KIAA0825: variants seen among roughly 807,000 people sequenced by gnomAD.
The protein encoded by KIAA0825 is KIAA0825, also known as uncharacterized protein KIAA0825.
In KIAA0825, 119 loss-of-function variants were observed where a neutral mutation model predicts 147.6. That is an observed-to-expected ratio of 0.81 (90% CI 0.69 to 0.94). KIAA0825 has a LOEUF of 0.94. KIAA0825 is among the 40% of genes least tolerant of loss of function. The probability of loss-of-function intolerance (pLI) is 0.00; values close to 1 mark genes in which losing one functional copy is unlikely to be tolerated. For synonymous variants in KIAA0825, 470 were observed against 518.1 expected (o/e 0.91, Z 1.26); for missense variants, 1,381 against 1,472.7 (o/e 0.94, Z 1.02).
At chr5:94,545,333 C>T (rs528103555) in intron 2 of KIAA0825, among the ~76,000 whole-genome samples, 1 of 152,116 alleles carries the variant, frequency 6.6e-6, no homozygotes, top group Non-Finnish European at 1.5e-5. Flanking sequence ...GGGCTTAGAA[C>T]CAGTGGATTA....
At chr5:94,159,992 AG>A (rs1767401279) in intron 20 of KIAA0825, among the ~76,000 whole-genome samples, 1 of 152,218 alleles carries the variant, frequency 6.6e-6, no homozygotes, top group African/African-American at 2.4e-5. Context: ...TATATAGCTG[AG>A]GAGTGAAGAG....
chr5:94,594,454 T>A, intron 1 of KIAA0825: 1 of 739,650 alleles, frequency 1.4e-6, no homozygotes, highest in Non-Finnish European at 2.5e-6. Context: ...TTTGAGTGTA[T>A]CTTGGAAGAA....
chr5:94,411,764 T>C (rs1018804046), intron 15 of KIAA0825, among the ~76,000 whole-genome samples: 1 of 151,734 alleles, frequency 6.6e-6, no homozygotes, highest in African/African-American at 2.4e-5. Flanking sequence ...CTGGCCAACA[T>C]AGTGAGACCC....
At chr5:94,164,790 A>T (rs1767888070) in intron 20 of KIAA0825, among the ~76,000 whole-genome samples, 1 of 152,146 alleles carries the variant, frequency 6.6e-6, no homozygotes, top group Non-Finnish European at 1.5e-5. Flanking sequence ...TGGTGCTGGG[A>T]AAACTGGATA....
At chr5:94,157,181 G>T (rs1297000562) in intron 20 of KIAA0825, among the ~76,000 whole-genome samples, 2 of 152,120 alleles carry the variant, frequency 1.3e-5, no homozygotes, top group Non-Finnish European at 2.9e-5. Context: ...GCATTATGAG[G>T]TAATTATATT....
intron 20 of KIAA0825, among the ~76,000 whole-genome samples, chr5:94,351,510 C>T (rs543693554): frequency 6.6e-6 from 1 of 152,300 alleles, no homozygotes; most frequent in African/African-American, 2.4e-5. Flanking sequence ...AGTGACTATA[C>T]TGCCAAAAGA....
At position 94,338,420 on chromosome 5, in the gene KIAA0825, T is replaced by C. The variant is rs552310300; in HGVS notation, c.3710+45948A>G. ...CCAGGCTCTGATTTCTCCTTTTCAT[T>C]TACTTTATGTGTGTATGTGTGGGTG... On this transcript the variant is annotated intron_variant, in intron 20 of 20. Coordinates refer to ENST00000682413, the MANE Select transcript of KIAA0825 (RefSeq NM_001145678.3). Among the ~76,000 whole-genome samples the C allele has an allele frequency of 5.9e-5, 9 of 152,260 alleles. No individual in the cohort carries two copies. The South Asian group carries it at 1.7e-3, about 28-fold the overall frequency.
chr5:94,234,564 T>C (rs879624796), intron 20 of KIAA0825, among the ~76,000 whole-genome samples: 1 of 152,194 alleles, frequency 6.6e-6, no homozygotes, highest in Non-Finnish European at 1.5e-5. Context: ...ACAGGATGCA[T>C]GATGCTGGCA....
At chr5:94,495,550 A>G (rs10036091) in intron 5 of KIAA0825, among the ~76,000 whole-genome samples, 10,860 of 152,252 alleles carry the variant, frequency 0.071, 1,319 homozygotes, top group African/African-American at 0.25. Flanking sequence ...ACAGGTACAG[A>G]GTCAGATCTG....
At chr5:94,236,637 A>G (rs942024167) in intron 20 of KIAA0825, among the ~76,000 whole-genome samples, 6 of 152,214 alleles carry the variant, frequency 3.9e-5, no homozygotes, top group African/African-American at 1.2e-4. Flanking sequence ...ATCGCATTCT[A>G]CAGAGAAGTA....
At chr5:94,335,061 C>T (rs1314302067) in intron 20 of KIAA0825, among the ~76,000 whole-genome samples, 1 of 152,124 alleles carries the variant, frequency 6.6e-6, no homozygotes, top group African/African-American at 2.4e-5. Context: ...GAATTCTATA[C>T]TTTCAACTAT....
intron 5 of KIAA0825, among the ~76,000 whole-genome samples, chr5:94,513,467 G>A (rs1482762245): frequency 6.6e-6 from 1 of 152,132 alleles, no homozygotes; most frequent in Non-Finnish European, 1.5e-5. Flanking sequence ...TCTAAGAAGG[G>A]AGAAGTAGAT....
chr5:94,236,520 A>C (rs1448976325), intron 20 of KIAA0825, among the ~76,000 whole-genome samples: 1 of 152,226 alleles, frequency 6.6e-6, no homozygotes, highest in African/African-American at 2.4e-5. Flanking sequence ...ACAACAAAGA[A>C]TTTAGAATAT....
intron 20 of KIAA0825, among the ~76,000 whole-genome samples, chr5:94,331,919 G>C (rs979586768): frequency 3.3e-5 from 5 of 151,880 alleles, no homozygotes; most frequent in Admixed American, 3.3e-4. Flanking sequence ...GGCTGAGGTG[G>C]GTGGACCTTA....
intron 5 of KIAA0825, among the ~76,000 whole-genome samples, chr5:94,506,148 T>C (rs1278296819): frequency 6.6e-6 from 1 of 152,212 alleles, no homozygotes; most frequent in African/African-American, 2.4e-5. Flanking sequence ...GGGCTACCTT[T>C]CACAATCAAT....
intron 20 of KIAA0825, among the ~76,000 whole-genome samples, chr5:94,297,094 A>T (rs978485920): frequency 2.0e-5 from 3 of 152,214 alleles, no homozygotes; most frequent in Admixed American, 2.0e-4. Context: ...TTTATTCAAC[A>T]TGGAAGTTAA....
intron 20 of KIAA0825, among the ~76,000 whole-genome samples, chr5:94,331,471 C>T (rs555428528): frequency 6.6e-6 from 1 of 152,294 alleles, no homozygotes; most frequent in African/African-American, 2.4e-5. Context: ...AATGGTTTCA[C>T]TGGTAAATTA....
intron 20 of KIAA0825, among the ~76,000 whole-genome samples, chr5:94,186,651 T>G (rs903797974): frequency 2.6e-5 from 4 of 152,234 alleles, no homozygotes; most frequent in African/African-American, 7.2e-5. Flanking sequence ...TCTCTGCCTT[T>G]AGGAAGCACA....
chr5:94,289,785 A>G (rs1054834906), intron 20 of KIAA0825, among the ~76,000 whole-genome samples: 5 of 152,152 alleles, frequency 3.3e-5, no homozygotes, highest in African/African-American at 4.8e-5. Context: ...CACGTCTGCA[A>G]TCCCACTACT....
Sources: gnomAD v4.1 joint callset for allele counts (sites outside exome capture counted in the v4.1 genomes callset) on GRCh38, gnomAD v4.1.1 for gene constraint, MANE v1.5 for transcripts, NCBI Gene and HGNC (gene_info 2026-07-23, HGNC 2026-07-21) for gene names.